CDK19: variants seen among roughly 807,000 people sequenced by gnomAD.
CDK19 encodes the protein cyclin dependent kinase 19, also known as cyclin-dependent kinase 19.
Under a neutral mutation model 68.3 loss-of-function variants are expected in CDK19, and 20 were observed. The observed-to-expected ratio is 0.29, with a 90% CI of 0.21 to 0.43. CDK19 has a LOEUF of 0.43. Ranked by LOEUF, CDK19 falls within the 20% of genes least tolerant of loss-of-function variation. The pLI is 1.00. For missense variants in CDK19, 339 were observed against 623.5 expected, an observed-to-expected ratio of 0.54 and a Z score of 4.86; for synonymous variants, 221 against 222.8, an observed-to-expected ratio of 0.99 and a Z score of 0.07.
chr6:110,657,327 T>A (rs1562166815), intron 4 of CDK19, among the ~76,000 whole-genome samples: 1 of 152,160 alleles, frequency 6.6e-6, no homozygotes, highest in Non-Finnish European at 1.5e-5. Flanking sequence ...GAGGATATGA[T>A]CCCACAAAAT....
chr6:110,799,382 C>T (rs781166800), intron 1 of CDK19, among the ~76,000 whole-genome samples: 1 of 151,930 alleles, frequency 6.6e-6, no homozygotes, highest in Non-Finnish European at 1.5e-5. Flanking sequence ...GAGGAGTATG[C>T]GGACCATGTG....
chr6:110,770,855 G>A (rs780033573), intron 1 of CDK19, among the ~76,000 whole-genome samples: 8 of 152,122 alleles, frequency 5.3e-5, no homozygotes, highest in Non-Finnish European at 8.8e-5. Context: ...CAAAACAAAC[G>A]GGTTACAGGC....
intron 1 of CDK19, among the ~76,000 whole-genome samples, chr6:110,808,519 G>A (rs12190200): frequency 0.047 from 7,212 of 152,178 alleles, 179 homozygotes; most frequent in Middle Eastern, 0.078. Flanking sequence ...AAGCCCAAAA[G>A]GCCTAAAATA....
chr6:110,724,662 A>G (rs906492862), intron 2 of CDK19, among the ~76,000 whole-genome samples: 1 of 152,218 alleles, frequency 6.6e-6, no homozygotes. Context: ...TGAAAAAGCT[A>G]AAGTTGAAAA....
At chr6:110,657,970 A>G (rs866847919) in intron 4 of CDK19, among the ~76,000 whole-genome samples, 9 of 152,170 alleles carry the variant, frequency 5.9e-5, no homozygotes, top group African/African-American at 2.2e-4. Flanking sequence ...CTCCAACTAC[A>G]GGGCTATGAA....
intron 4 of CDK19, chr6:110,646,537 A>G: frequency 8.1e-7 from 1 of 1,231,178 alleles, no homozygotes; most frequent in African/African-American, 1.5e-5. Context: ...TCCACCTGCA[A>G]CAGGTGCTTA....
chr6:110,787,435 GTTTTGTTTTGTTT>G (rs1435408771), intron 1 of CDK19, among the ~76,000 whole-genome samples: 2 of 150,392 alleles, frequency 1.3e-5, no homozygotes, highest in African/African-American at 4.9e-5. Context: ...TGTTTTTTTT[GTTTTGTTTTGTTT>G]TTTTGTTTTG....
At chr6:110,643,789 TTACTC>T (rs1780357771) in intron 4 of CDK19, among the ~76,000 whole-genome samples, 1 of 152,012 alleles carries the variant, frequency 6.6e-6, no homozygotes, top group African/African-American at 2.4e-5. Flanking sequence ...AAATTGGAAT[TTACTC>T]TATAGGCAAA....
chr6:110,761,494 T>A (rs948971185), intron 1 of CDK19, among the ~76,000 whole-genome samples: 1 of 152,178 alleles, frequency 6.6e-6, no homozygotes, highest in Middle Eastern at 3.2e-3. Flanking sequence ...CAATGGGTGA[T>A]GGTGATACCA....
At chr6:110,769,577 A>ATAAT (rs1554221020) in intron 1 of CDK19, among the ~76,000 whole-genome samples, 19 of 146,370 alleles carry the variant, frequency 1.3e-4, no homozygotes, top group Non-Finnish European at 1.8e-4. Flanking sequence ...AAAAAAAAAA[A>ATAAT]AATAATAATA....
At chr6:110,803,976 A>G (rs1323463670) in intron 1 of CDK19, among the ~76,000 whole-genome samples, 1 of 152,202 alleles carries the variant, frequency 6.6e-6, no homozygotes, top group Admixed American at 6.6e-5. Flanking sequence ...AAGAAAAGAA[A>G]GAGAAGAAAG....
chr6:110,767,992 A>G (rs1446443044), intron 1 of CDK19, among the ~76,000 whole-genome samples: 2 of 152,198 alleles, frequency 1.3e-5, no homozygotes, highest in African/African-American at 4.8e-5. Context: ...AAACTCAACA[A>G]TAAGAAAACA....
At chr6:110,700,284 TAATAGA>T (rs1441744132) in intron 2 of CDK19, among the ~76,000 whole-genome samples, 2 of 152,314 alleles carry the variant, frequency 1.3e-5, no homozygotes, top group South Asian at 2.1e-4. Context: ...AATGTAGTAA[TAATAGA>T]AATAAAGTGC....
intron 2 of CDK19, among the ~76,000 whole-genome samples, chr6:110,718,090 A>G (rs1002683545): frequency 3.9e-5 from 6 of 152,124 alleles, no homozygotes; most frequent in Non-Finnish European, 5.9e-5. Flanking sequence ...CCCTCACCAG[A>G]CACCCAATCT....
intron 1 of CDK19, among the ~76,000 whole-genome samples, chr6:110,811,779 G>A (rs1365882225): frequency 2.0e-5 from 3 of 151,932 alleles, no homozygotes; most frequent in Non-Finnish European, 4.4e-5. Context: ...AGCCTGTAAT[G>A]CCAGCACTTT....
At chr6:110,634,958 C>T (rs1027012333) in intron 5 of CDK19, among the ~76,000 whole-genome samples, 1 of 152,208 alleles carries the variant, frequency 6.6e-6, no homozygotes. Context: ...CAATTCCCAT[C>T]TATTTTATGA....
chr6:110,635,990 T>A (rs1242068776), intron 5 of CDK19, among the ~76,000 whole-genome samples: 1 of 152,256 alleles, frequency 6.6e-6, no homozygotes. Flanking sequence ...TAGATCTTTA[T>A]CATTAATTAT....
intron 2 of CDK19, among the ~76,000 whole-genome samples, chr6:110,718,443 G>A (rs1021484123): frequency 6.6e-6 from 1 of 152,096 alleles, no homozygotes; most frequent in African/African-American, 2.4e-5. Context: ...GCCTGGCCTG[G>A]GGAGGCAGTA....
At chr6:110,758,106 G>C (rs1028494508) in intron 1 of CDK19, among the ~76,000 whole-genome samples, 1 of 152,088 alleles carries the variant, frequency 6.6e-6, no homozygotes, top group Admixed American at 6.6e-5. Context: ...GTTGGGGACC[G>C]CTTGAGCCCA....
Sources: gnomAD v4.1 joint callset for allele counts (sites outside exome capture counted in the v4.1 genomes callset) on GRCh38, gnomAD v4.1.1 for gene constraint, MANE v1.5 for transcripts, NCBI Gene and HGNC (gene_info 2026-07-23, HGNC 2026-07-21) for gene names.